NOC4L: variants seen among roughly 807,000 people sequenced by gnomAD.
NOC4L encodes the protein nucleolar complex associated 4 homolog.
A neutral mutation model predicts 62.8 loss-of-function variants in NOC4L; 40 were observed. That is an observed-to-expected ratio of 0.64 (90% CI 0.49 to 0.83). The LOEUF is 0.83. Among genes scored for constraint, NOC4L ranks in the 40% least tolerant of loss-of-function variants. The probability of loss-of-function intolerance (pLI) is 0.00; values close to 1 mark genes in which losing one functional copy is unlikely to be tolerated. For synonymous variants in NOC4L, 433 were observed against 299.8 expected (o/e 1.44, Z -4.59); for missense variants, 927 against 701.9 (o/e 1.32, Z -3.62).
At position 132,151,256 on chromosome 12, in the gene NOC4L, A is replaced by G; in HGVS notation, c.963-2A>G. 1 of 1,610,220 alleles carries G rather than the reference A, an allele frequency of 6.2e-7. No individual in the cohort carries two copies. Among genetic ancestry groups the G allele is most frequent in the Non-Finnish European group, 8.5e-7 (1 of 1,178,876 alleles). On this transcript the variant is annotated splice_acceptor_variant, in intron 10 of 14. Coordinates refer to ENST00000330579, the MANE Select transcript of NOC4L (RefSeq NM_024078.3). LOFTEE classifies it high-confidence loss of function. The stretch of plus-strand genomic sequence containing the variant: ...CCGCTGCTCCTTCCCCCCGGCCCGC[A>G]GGGAGTACCCTGACTTCTACCGGAA...
rs1366314331 is a variant in NOC4L, at chr12:132,144,930, A to G, written c.194A>G (p.Glu65Gly). 2 of 1,601,232 alleles carry G rather than the reference A, an allele frequency of 1.2e-6. No homozygotes were observed. Among genetic ancestry groups the G allele is most frequent in the South Asian group, 1.1e-5 (1 of 88,692 alleles). The change falls in exon 2 of 15, where the codon GAG becomes GGG. Residue 65 changes from glutamate (E) to glycine (G), a missense_variant. Transcript: ENST00000330579. The part of the protein sequence containing the change: ...RLFGALLERG[E>G]LFVGQLPSEE... ...TTCGGGGCCTTGCTGGAGCGGGGAG[A>G]GCTGTTTGTGGGCCAGCTGCCCTCT...
Position 132,151,496 on chromosome 12 carries a change from C to G in NOC4L, c.1086C>G (p.Ala362=), listed in dbSNP as rs993460451. The G allele has an allele frequency of 5.0e-6, 8 of 1,603,658 alleles. No individual in the cohort carries two copies. Among genetic ancestry groups the G allele is most frequent in the Non-Finnish European group, 5.9e-6 (7 of 1,179,178 alleles). Residue 362 remains alanine (A), a synonymous_variant, in exon 12 of 15, where the codon GCC becomes GCG. Coordinates refer to ENST00000330579, the MANE Select transcript of NOC4L (RefSeq NM_024078.3). ...CTGCCCTGCCCAGCCACCTCCCCGC[C>G]TACCTGGTGGCCGCCTTCGCCAAGC... ...DLFLSSSHLP[A]YLVAAFAKRL...
chr12:132,144,982 C>G lies in NOC4L; in HGVS notation c.238+8C>G, dbSNP rs141058131. ...AGGAGATGGTCATGACAGGTGAGCC[C>G]TGGAGGGCCCCGGGGCTGCTCTTCT... On this transcript the variant is annotated splice_region_variant and intron_variant, in intron 2 of 14. Coordinates refer to ENST00000330579, the MANE Select transcript of NOC4L (RefSeq NM_024078.3). 4.9e-4 allele frequency: 787 copies of G among 1,592,230 alleles called. 6 individuals carry two copies. In the African/African-American group the frequency reaches 9.5e-3, roughly 19 times the overall value.
chr12:132,151,212 T>G, intron 10 of NOC4L, 46 bp from the exon 11 acceptor site: 11 of 1,541,424 alleles, frequency 7.1e-6, no homozygotes, highest in Non-Finnish European at 9.8e-6. Flanking sequence ...GAGGCCTCAG[T>G]TCCCGGGCCC....
intron 3 of NOC4L, among the ~76,000 whole-genome samples, chr12:132,146,733 T>A (rs1443927511): frequency 6.6e-6 from 1 of 151,784 alleles, no homozygotes; most frequent in Non-Finnish European, 1.5e-5. Flanking sequence ...CAACACGGGG[T>A]CTAAGTTTGT....
chr12:132,145,665 G>C lies in NOC4L; in HGVS notation c.345G>C (p.Lys115Asn). 6.2e-7 allele frequency: 1 copy of C among 1,609,712 alleles called. No individual in the cohort carries two copies. The highest frequency in any genetic ancestry group is 8.5e-7 in the Non-Finnish European group (1 of 1,176,730). Residue 115 changes from lysine to asparagine, a missense_variant and splice_region_variant, in exon 3 of 15, where the codon AAG becomes AAC. Lys to Asn is a moderately conservative substitution (Grantham distance 94). Transcript: ENST00000330579. ...ELLGHPSFQV[K>N]ELALSALLKF... ...TGGGCCACCCCTCCTTTCAGGTCAAGGTGGGTCATTGGGCTGGCCTCATCC... is the reference window on the plus strand; with the variant it reads ...TGGGCCACCCCTCCTTTCAGGTCAACGTGGGTCATTGGGCTGGCCTCATCC...
intron 9 of NOC4L, among the ~76,000 whole-genome samples, chr12:132,149,562 GC>G (rs1897868934): frequency 7.1e-5 from 1 of 14,046 alleles, no homozygotes; most frequent in Non-Finnish European, 1.5e-4. Flanking sequence ...CTCGGTGAGT[GC>G]CGCCGCCTCA....
rs1178362994 is a variant in NOC4L, at chr12:132,144,660, T to A, written c.117+55T>A. 5 of 1,405,802 alleles carry A rather than the reference T, an allele frequency of 3.6e-6. No individual in the cohort carries two copies. The African/African-American group carries it at 7.7e-5, about 22-fold the overall frequency. The allele number at this position is 1,405,802 out of a possible 1,614,324, so 87.1% of individuals were successfully genotyped here. A position where few individuals can be genotyped will look rare whatever the true frequency, so the allele number is the denominator to read the frequency against. On this transcript the variant is annotated intron_variant, in intron 1 of 14. Transcript: ENST00000330579. ...TCGCGGCACGGGAGCGGGACTTGAA[T>A]GGGGGGCTGCGGCGGCAGGTCCCCA...
chr12:132,148,732 C>CCCCCCCGGGGGGGGGGGGGG, intron 8 of NOC4L, 52 bp from the exon 9 acceptor site: 2 of 1,305,538 alleles, frequency 1.5e-6, no homozygotes, highest in Non-Finnish European at 2.0e-6. Context: ...CACCCCGACC[C>CCCCCCCGGGGGGGGGGGGGG]GCCGGCCCCC....
At position 132,144,508 on chromosome 12, in the gene NOC4L, C is replaced by A. The variant is rs751841077; in HGVS notation, c.20C>A (p.Ala7Asp). MEREPG[A>D]AGVRRALGRR... ...GGCGGCATGGAGCGGGAGCCGGGCG[C>A]CGCGGGAGTTCGCCGGGCTCTGGGC... is the stretch of plus-strand genomic sequence containing the variant. Residue 7 changes from alanine to aspartate, a missense_variant, in exon 1 of 15, where the codon GCC (alanine) becomes GAC (aspartate). Transcript: ENST00000330579. 1 of 1,520,986 alleles carries A rather than the reference C, an allele frequency of 6.6e-7. No homozygotes were observed. The highest frequency in any genetic ancestry group is 2.0e-5 in the Admixed American group (1 of 48,866). The allele number at this position is 1,520,986 out of a possible 1,614,324, so 94.2% of individuals were successfully genotyped here. A position where few individuals can be genotyped will look rare whatever the true frequency, so the allele number is the denominator to read the frequency against.
intron 5 of NOC4L, 33 bp from the exon 6 acceptor site, chr12:132,147,847 G>A (rs1213383299): frequency 1.2e-6 from 2 of 1,609,684 alleles, no homozygotes; most frequent in African/African-American, 1.3e-5. Flanking sequence ...GGACTGGGGG[G>A]CGGCGTCCAG....
intron 7 of NOC4L, 40 bp downstream of exon 7, chr12:132,148,146 G>C (rs1897796719): frequency 6.2e-7 from 1 of 1,608,488 alleles, no homozygotes; most frequent in South Asian, 1.1e-5. Context: ...TCCCGGGTTT[G>C]GGGGTGTGTG....
intron 2 of NOC4L, among the ~76,000 whole-genome samples, 187 bp from the exon 3 acceptor site, chr12:132,145,372 T>C (rs372340249): frequency 2.0e-5 from 3 of 152,146 alleles, no homozygotes; most frequent in Admixed American, 1.3e-4. Flanking sequence ...GAGGTGCTCT[T>C]CCTGTTTGCA....
At position 132,148,087 on chromosome 12, in the gene NOC4L, G is replaced by C. The variant is rs758131527; in HGVS notation, c.719G>C (p.Trp240Ser). 6.2e-7 allele frequency: 1 copy of C among 1,613,494 alleles called. No individual in the cohort carries two copies. The highest frequency in any genetic ancestry group is 8.5e-7 in the Non-Finnish European group (1 of 1,179,980). The change falls in exon 7 of 15, where the codon TGG (tryptophan) becomes TCG (serine). Residue 240 changes from tryptophan to serine, a missense_variant. Transcript: ENST00000330579. ...YVKRAELWDTWKVAHLKEHRR... is the reference protein window; with the variant it reads ...YVKRAELWDTSKVAHLKEHRR... ...TTCCCTGCAGAGCTGTGGGACACCT[G>C]GAAGGTTGCTCACCTGAAGGTGAGT...
chr12:132,148,001 G>A, intron 6 of NOC4L, 22 bp downstream of exon 6: 1 of 1,612,560 alleles, frequency 6.2e-7, no homozygotes, highest in African/African-American at 1.3e-5. Flanking sequence ...GAGAGTCAGG[G>A]GCGGACAGGG....
rs771458524 is a variant in NOC4L, at chr12:132,151,049, T to C, written c.962+8T>C. 1 of 1,608,574 alleles carries C rather than the reference T, an allele frequency of 6.2e-7. No individual in the cohort carries two copies. Among genetic ancestry groups the C allele is most frequent in the Non-Finnish European group, 8.5e-7 (1 of 1,177,266 alleles). On this transcript the variant is annotated splice_region_variant and intron_variant, in intron 10 of 14. Transcript: ENST00000330579. ...GATTCACAAACACAACCTGTGAGTGTCACCAGGGGTGCAGGTCTTCTTCCC... is the reference window on the plus strand; with the variant it reads ...GATTCACAAACACAACCTGTGAGTGCCACCAGGGGTGCAGGTCTTCTTCCC...
chr12:132,146,283 C>T (rs1897721451), intron 3 of NOC4L: 1 of 456,062 alleles, frequency 2.2e-6, no homozygotes, highest in Non-Finnish European at 4.4e-6. Flanking sequence ...GCTTCTTCCA[C>T]TCATCGGCGT....
At position 132,146,826 on chromosome 12, in the gene NOC4L, T is replaced by C. The variant is rs140944884; in HGVS notation, c.346-455T>C. ...TCCTGTCATCCCGCACGAGGCTCTT[T>C]TGCTTTGTGGTGTCATTTGCCTGGG... is the stretch of plus-strand genomic sequence containing the variant. On this transcript the variant is annotated intron_variant, in intron 3 of 14. Transcript: ENST00000330579. Among the ~76,000 whole-genome samples the C allele has an allele frequency of 3.6e-4, 55 of 152,310 alleles. No individual in the cohort carries two copies. In the East Asian group the frequency reaches 9.4e-3, roughly 26 times the overall value.
In NOC4L at chr12:132,148,775, C is replaced by A. The variant is rs758207533; in HGVS notation, c.790-9C>A. The stretch of plus-strand genomic sequence containing the variant: ...CGCCCCTCACCCCCACCTGCCGGCC[C>A]CCGCCCAGCTGCCCCTCAGCCTCTA... On this transcript the variant is annotated splice_polypyrimidine_tract_variant and intron_variant, in intron 8 of 14. Coordinates refer to ENST00000330579, the MANE Select transcript of NOC4L (RefSeq NM_024078.3). 12 of 1,532,062 alleles carry A rather than the reference C, an allele frequency of 7.8e-6. No individual in the cohort carries two copies. The East Asian group carries it at 2.5e-4, about 31-fold the overall frequency. 94.9% of individuals were successfully genotyped at this position (1,532,062 alleles called of 1,614,324 possible).
Sources: gnomAD v4.1 joint callset for allele counts (sites outside exome capture counted in the v4.1 genomes callset) on GRCh38, gnomAD v4.1.1 for gene constraint, MANE v1.5 for transcripts, NCBI Gene and HGNC (gene_info 2026-07-23, HGNC 2026-07-21) for gene names.